CFAP299: variants seen among roughly 807,000 people sequenced by gnomAD.
The protein encoded by CFAP299 is cilia and flagella associated protein 299, also known as cilia- and flagella-associated protein 299.
A neutral mutation model predicts 27.0 loss-of-function variants in CFAP299; 21 were observed. The observed-to-expected ratio is 0.78, with a 90% CI of 0.55 to 1.12. The LOEUF is 1.12. Among genes scored for constraint, CFAP299 ranks in the 50% most tolerant of loss-of-function variants. The probability of loss-of-function intolerance (pLI) is 0.00; values close to 1 mark genes in which losing one functional copy is unlikely to be tolerated. For synonymous variants in CFAP299, 104 were observed against 98.1 expected (o/e 1.06, Z -0.36); for missense variants, 310 against 276.6 (o/e 1.12, Z -0.86).
chr4:80,436,463 T>C (rs983695543), intron 2 of CFAP299, among the ~76,000 whole-genome samples: 2 of 152,064 alleles, frequency 1.3e-5, no homozygotes, highest in Non-Finnish European at 2.9e-5. Context: ...CATGCCCGGC[T>C]AATTTTGTTT....
At chr4:80,415,306 C>T (rs4693688) in intron 2 of CFAP299, among the ~76,000 whole-genome samples, 141,939 of 152,206 alleles carry the variant, frequency 0.93, 66,886 homozygotes, top group East Asian at 1. Context: ...TGTTTTTGAG[C>T]ATTCCCCCAA....
intron 2 of CFAP299, chr4:80,387,708 T>C (rs1243926875): frequency 3.2e-6 from 5 of 1,580,590 alleles, no homozygotes; most frequent in Admixed American, 3.3e-5. Flanking sequence ...ATGCAATGCA[T>C]TGGAAGGGCT....
intron 2 of CFAP299, among the ~76,000 whole-genome samples, chr4:80,400,580 T>G (rs1726099692): frequency 6.6e-6 from 1 of 152,146 alleles, no homozygotes; most frequent in Non-Finnish European, 1.5e-5. Context: ...AGAAGTGCCT[T>G]TCACCTCCCA....
At chr4:80,462,269 A>G (rs1434628330) in intron 2 of CFAP299, among the ~76,000 whole-genome samples, 1 of 152,154 alleles carries the variant, frequency 6.6e-6, no homozygotes, top group Non-Finnish European at 1.5e-5. Flanking sequence ...AATGAAGTAA[A>G]TAAACCTCCC....
chr4:80,525,239 G>A (rs894219680), intron 2 of CFAP299, among the ~76,000 whole-genome samples: 2 of 152,068 alleles, frequency 1.3e-5, no homozygotes, highest in Non-Finnish European at 2.9e-5. Flanking sequence ...GGCCTTACCT[G>A]CACTCAAGGG....
At chr4:80,364,094 A>ACACACACACACACACACC (rs1223222452) in intron 2 of CFAP299, among the ~76,000 whole-genome samples, 1 of 149,936 alleles carries the variant, frequency 6.7e-6, no homozygotes, top group Non-Finnish European at 1.5e-5. Flanking sequence ...CTCAAAACAC[A>ACACACACACACACACACC]CACACACACA....
chr4:80,856,974 A>T (rs1284766063), intron 3 of CFAP299, among the ~76,000 whole-genome samples: 1 of 151,904 alleles, frequency 6.6e-6, no homozygotes, highest in Non-Finnish European at 1.5e-5. Flanking sequence ...GATGGCATTG[A>T]ATCTGTAAAT....
intron 3 of CFAP299, among the ~76,000 whole-genome samples, chr4:80,669,141 CTTTCTTTCTTTTTTTTTTTTTT>C (rs1741314948): frequency 3.3e-5 from 1 of 30,726 alleles, no homozygotes; most frequent in Non-Finnish European, 6.3e-5. Context: ...GTCTTTCTTT[CTTTCTTTCTTTTTTTTTTTTTT>C]TTTTTTTTTT....
At chr4:80,724,889 CTTTCTTTCTTTCTT>C (rs946024970) in intron 3 of CFAP299, among the ~76,000 whole-genome samples, 17 of 131,320 alleles carry the variant, frequency 1.3e-4, no homozygotes, top group Non-Finnish European at 2.3e-4. Flanking sequence ...CTTTTTCTTT[CTTTCTTTCTTTCTT>C]TTTCTTTCTT....
At chr4:80,321,273 G>A in the CFAP299 span, among the ~76,000 whole-genome samples, 1 of 152,146 alleles carries the variant, frequency 6.6e-6, no homozygotes, top group African/African-American at 2.4e-5. Context: ...CTGTGCTGTT[G>A]TAATTAGCTT....
intron 4 of CFAP299, among the ~76,000 whole-genome samples, chr4:80,901,070 C>G (rs1281084635): frequency 6.6e-6 from 1 of 152,010 alleles, no homozygotes; most frequent in Non-Finnish European, 1.5e-5. Flanking sequence ...CAGCATAACT[C>G]ATCACCATAG....
chr4:80,550,050 A>G (rs1240413930), intron 2 of CFAP299, among the ~76,000 whole-genome samples: 2 of 151,956 alleles, frequency 1.3e-5, no homozygotes, highest in Non-Finnish European at 2.9e-5. Context: ...GTATTAAACT[A>G]TCCCCAAAAT....
intron 2 of CFAP299, among the ~76,000 whole-genome samples, chr4:80,531,870 C>T (rs1733489430): frequency 1.3e-5 from 2 of 150,904 alleles, no homozygotes; most frequent in Admixed American, 6.6e-5. Context: ...TCTCCTGTCT[C>T]AGCCTCCCAA....
intron 2 of CFAP299, among the ~76,000 whole-genome samples, chr4:80,574,805 A>C (rs1008777317): frequency 3.3e-5 from 5 of 152,128 alleles, no homozygotes; most frequent in Non-Finnish European, 4.4e-5. Context: ...CCCTGGGATA[A>C]GTTCCACTTG....
rs116719398 is a variant in CFAP299, at chr4:80,682,843, T to C, written c.333+99660T>C. Among the ~76,000 whole-genome samples, 1,364 of 152,238 alleles carry C rather than the reference T, an allele frequency of 9.0e-3. 20 individuals are homozygous for C. The highest frequency in any genetic ancestry group is 0.03 in the African/African-American group (1,258 of 41,538). On this transcript the variant is annotated intron_variant, in intron 3 of 5. Transcript: ENST00000358105. ...CCACATATTAAAACTTCTTCCTAGC[T>C]CTTGAGACCTGCCATTCGATAATAC...
intron 2 of CFAP299, among the ~76,000 whole-genome samples, chr4:80,371,796 G>T (rs899603283): frequency 6.6e-6 from 1 of 152,054 alleles, no homozygotes; most frequent in East Asian, 1.9e-4. Flanking sequence ...CAGCATTTTG[G>T]TTACAATCAT....
At chr4:80,731,083 G>A (rs1723494877) in intron 3 of CFAP299, among the ~76,000 whole-genome samples, 1 of 152,120 alleles carries the variant, frequency 6.6e-6, no homozygotes, top group Non-Finnish European at 1.5e-5. Flanking sequence ...CTAATGCTAT[G>A]TGCCTGTTTT....
intron 3 of CFAP299, among the ~76,000 whole-genome samples, chr4:80,821,274 T>C (rs1367328506): frequency 6.6e-6 from 1 of 152,168 alleles, no homozygotes; most frequent in Admixed American, 6.6e-5. Flanking sequence ...TAAGAAAGCT[T>C]CATTCTTGTT....
intron 3 of CFAP299, among the ~76,000 whole-genome samples, chr4:80,719,971 A>G (rs967020490): frequency 1.3e-5 from 2 of 152,164 alleles, no homozygotes; most frequent in Non-Finnish European, 1.5e-5. Context: ...TTTCTGAGAG[A>G]TGGGAAACAA....
Sources: gnomAD v4.1 joint callset for allele counts (sites outside exome capture counted in the v4.1 genomes callset) on GRCh38, gnomAD v4.1.1 for gene constraint, MANE v1.5 for transcripts, NCBI Gene and HGNC (gene_info 2026-07-23, HGNC 2026-07-21) for gene names.